CIITA: variants seen among roughly 807,000 people sequenced by gnomAD.
CIITA encodes the protein MHC class II transactivator.
Under a neutral mutation model 115.1 loss-of-function variants are expected in CIITA, and 72 were observed. The observed-to-expected ratio is 0.63, with a 90% CI of 0.52 to 0.76. CIITA has a LOEUF of 0.76. CIITA is among the 30% of genes least tolerant of loss of function. The pLI, the probability that CIITA is intolerant of heterozygous loss-of-function variation, is 0.00. For missense variants in CIITA, 1,617 were observed against 1,463.8 expected (o/e 1.10, Z -1.71); for synonymous variants, 763 against 635.6 (o/e 1.20, Z -3.02).
At position 10,929,918 on chromosome 16, in the gene CIITA, C is replaced by T. The variant is rs1445242531; in HGVS notation, c.*6063C>T. Reference sequence around the variant, plus strand: ...AGGGTCTGAGGGCTGACTTGCAGCTCTGGGCCAGCTGAGCCAGCGCTGGGT... The same window carrying T: ...AGGGTCTGAGGGCTGACTTGCAGCTTTGGGCCAGCTGAGCCAGCGCTGGGT... On this transcript the variant is annotated 3_prime_UTR_variant, in exon 20 of 20. Transcript: ENST00000324288. This position sits in a 1 kb window ranked among gnomAD's most constrained non-coding sequence, Gnocchi z 4.3. 2 of 152,296 alleles carry T rather than the reference C, an allele frequency of 1.3e-5. No homozygotes were observed. The allele number at this position is 152,296 out of a possible 1,614,324, so 9.4% of individuals were successfully genotyped here. A position where few individuals can be genotyped will look rare whatever the true frequency, so the allele number is the denominator to read the frequency against.
intron 14 of CIITA, 112 bp downstream of exon 14, chr16:10,915,762 C>A: frequency 1.0e-6 from 1 of 970,162 alleles, no homozygotes; most frequent in East Asian, 2.5e-5. Context: ...GCCTCAGCCT[C>A]CTGAGTAGCT....
At position 10,923,347 on chromosome 16, in the gene CIITA, G is replaced by A; in HGVS notation, c.*22+22G>A. ...CAGGGTAACCAGGGTGGGCTTGGGA[G>A]GGGAGAGCCGCAGTGGGTTGGGGGC... On this transcript the variant is annotated intron_variant, in intron 19 of 19. Transcript: ENST00000324288. This position sits in a 1 kb window ranked among gnomAD's most constrained non-coding sequence, Gnocchi z 5.2. 2.0e-6 allele frequency: 3 copies of A among 1,501,198 alleles called. No individual in the cohort carries two copies. The highest frequency in any genetic ancestry group is 1.4e-5 in the African/African-American group (1 of 72,534). 93.0% of individuals were successfully genotyped at this position (1,501,198 alleles called of 1,614,324 possible). A position where few individuals can be genotyped will look rare whatever the true frequency, so the allele number is the denominator to read the frequency against.
chr16:10,900,534 G>GT (rs1269651735), intron 5 of CIITA, among the ~76,000 whole-genome samples: 1 of 151,866 alleles, frequency 6.6e-6, no homozygotes, highest in African/African-American at 2.4e-5. Context: ...GAGGTCAAGA[G>GT]TTTGAGACCA....
At chr16:10,912,046 T>A (rs2039618728) in intron 13 of CIITA, among the ~76,000 whole-genome samples, 1 of 152,150 alleles carries the variant, frequency 6.6e-6, no homozygotes, top group Non-Finnish European at 1.5e-5. Flanking sequence ...GCTAAATGAA[T>A]GTTTGTTCCT....
In CIITA at chr16:10,868,681, T is replaced by C. The variant is rs569284021; in HGVS notation, c.-21+2362T>C. On this transcript the variant is annotated intron_variant, in intron 1 of 5. Transcript: ENST00000636238. ...CTCTCTCCCTGGCTGCAGCCCCTCCTGCCCCAGCCACATGTGCCTTCACTG... is the reference window on the plus strand; with the variant it reads ...CTCTCTCCCTGGCTGCAGCCCCTCCCGCCCCAGCCACATGTGCCTTCACTG... 4.6e-5 allele frequency among the ~76,000 whole-genome samples: 7 copies of C among 152,290 alleles called. No individual in the cohort carries two copies. In the East Asian group the frequency reaches 1.4e-3, roughly 29 times the overall value.
intron 3 of CIITA, among the ~76,000 whole-genome samples, chr16:10,897,033 G>A (rs1409444735): frequency 2.0e-5 from 3 of 152,216 alleles, no homozygotes; most frequent in Non-Finnish European, 4.4e-5. Context: ...CATAGGATTT[G>A]GGTGTTTTTC....
rs1182379244 is a variant in CIITA at position 10,906,719 on chromosome 16, G to A, written c.1227G>A (p.Arg409=). 4 of 1,611,200 alleles carry A rather than the reference G, an allele frequency of 2.5e-6. No homozygotes were observed. The Admixed American group carries it at 6.7e-5, about 27-fold the overall frequency. ...TGTTGGCTGCCAAGGAGCACCGGCG[G>A]CCGCGTGAGACACGAGTGATTGCTG... ...EVLLAAKEHR[R]PRETRVIAVL... Residue 409 remains arginine, a synonymous_variant, in exon 11 of 20, where the codon CGG becomes CGA. Transcript: ENST00000324288.
rs544912349 is a variant in CIITA, at chr16:10,904,063, G to T, written c.937+168G>T. Among the ~76,000 whole-genome samples the T allele has an allele frequency of 7.2e-5, 11 of 152,278 alleles. No homozygotes were observed. In the South Asian group the frequency reaches 2.3e-3, roughly 32 times the overall value. On this transcript the variant is annotated intron_variant, in intron 9 of 19. Transcript: ENST00000324288. ...CTCCAGGGAGTGGAGGCATGGTTGT[G>T]GGGGAATGGACAGCTAGAGAATCCA...
intron 1 of CIITA, among the ~76,000 whole-genome samples, chr16:10,892,763 T>A (rs2037725985): frequency 6.6e-6 from 1 of 152,152 alleles, no homozygotes; most frequent in African/African-American, 2.4e-5. Context: ...CAAAACCCCA[T>A]TTCTACTAAA....
chr16:10,885,024 G>C (rs909438412), intron 1 of CIITA, among the ~76,000 whole-genome samples: 1 of 151,968 alleles, frequency 6.6e-6, no homozygotes, highest in African/African-American at 2.4e-5. Flanking sequence ...AAATACCAAA[G>C]GGGCCATAAT....
In CIITA at chr16:10,917,481, ATT is replaced by A. The variant is rs36011152; in HGVS notation, c.3063-942_3063-941del. Among the ~76,000 whole-genome samples the A allele has an allele frequency of 2.8e-3, 373 of 132,766 alleles. 1 individual carries two copies. Among genetic ancestry groups the A allele is most frequent in the African/African-American group, 5.5e-3 (191 of 34,618 alleles). The allele number at this position is 132,766 out of a possible 152,430, so 87.1% of individuals were successfully genotyped here. ...GAGTCACTGTGCCTGGTTCAATGGG[ATT>A]TTTTTTTTTTTTTTTTGACACGGAG... On this transcript the variant is annotated intron_variant, in intron 15 of 19. Transcript: ENST00000324288.
At chr16:10,914,781 G>C (rs920933126) in intron 13 of CIITA, among the ~76,000 whole-genome samples, 9 of 152,182 alleles carry the variant, frequency 5.9e-5, no homozygotes, top group African/African-American at 2.2e-4. Flanking sequence ...TGAGATCTAG[G>C]CCGAGGGAAG....
At chr16:10,898,565 C>T (rs2038373712) in intron 3 of CIITA, 105 bp from the exon 4 acceptor site, 7 of 750,004 alleles carry the variant, frequency 9.3e-6, no homozygotes, top group African/African-American at 1.8e-5. Flanking sequence ...TTTCTTGAGT[C>T]CCCACTGTGT....
At chr16:10,885,272 A>G (rs890287286) in intron 1 of CIITA, among the ~76,000 whole-genome samples, 8 of 152,174 alleles carry the variant, frequency 5.3e-5, no homozygotes, top group African/African-American at 1.9e-4. Context: ...GCCAACCAAT[A>G]GCAATATCTC....
intron 1 of CIITA, among the ~76,000 whole-genome samples, chr16:10,868,592 G>A (rs756650826): frequency 7.2e-5 from 11 of 152,152 alleles, no homozygotes; most frequent in South Asian, 2.1e-4. Flanking sequence ...CAACAGGGGC[G>A]CAGACAGCCA....
chr16:10,866,372 A>G (rs757640531), intron 1 of CIITA: 4 of 567,814 alleles, frequency 7.0e-6, no homozygotes, highest in Non-Finnish European at 1.4e-5. Flanking sequence ...GCCCTCTTGG[A>G]CAACCTGCTG....
Position 10,907,749 on chromosome 16 carries a change from G to C in CIITA, c.2257G>C (p.Gly753Arg). ...KKRPYDNWLE[G>R]VPRFLAGLIF... is the part of the protein sequence containing the mutation. ...GAGGCCCTATGACAACTGGCTGGAGGGCGTGCCACGCTTTCTGGCTGGGCT... is the reference window on the plus strand; with the variant it reads ...GAGGCCCTATGACAACTGGCTGGAGCGCGTGCCACGCTTTCTGGCTGGGCT... The change falls in exon 11 of 20, where the codon GGC becomes CGC. Residue 753 changes from glycine to arginine, a missense_variant. Coordinates refer to ENST00000324288, the MANE Select transcript of CIITA (RefSeq NM_000246.4). This position sits in a 1 kb window ranked among gnomAD's most constrained non-coding sequence, Gnocchi z 5.0. 1 of 1,614,258 alleles carries C rather than the reference G, an allele frequency of 6.2e-7. No individual in the cohort carries two copies. Among genetic ancestry groups the C allele is most frequent in the Non-Finnish European group, 8.5e-7 (1 of 1,180,042 alleles).
At chr16:10,877,115 C>T, upstream of CIITA, 4 of 629,716 alleles carry the variant, frequency 6.4e-6, no homozygotes, top group South Asian at 3.7e-5. Flanking sequence ...CTTGGGGCCA[C>T]CTTGCAGGGA....
rs372027567 is a variant in CIITA, at chr16:10,910,299, G to T, written c.2888+40G>T. On this transcript the variant is annotated intron_variant, in intron 13 of 19. Transcript: ENST00000324288. ...GGATTGTCTTGTGGGTCTGCGCAAG[G>T]TTTCCCCTGCAGCATTAGCTGGGCT... 19 of 1,553,272 alleles carry T rather than the reference G, an allele frequency of 1.2e-5. 1 individual carries two copies. The South Asian group carries it at 1.5e-4, about 12-fold the overall frequency.
Sources: gnomAD v4.1 joint callset for allele counts (sites outside exome capture counted in the v4.1 genomes callset) on GRCh38, gnomAD v4.1.1 for gene constraint, Gnocchi (gnomAD v3.1) non-coding constraint, MANE v1.5 for transcripts, NCBI Gene and HGNC (gene_info 2026-07-23, HGNC 2026-07-21) for gene names.